The following RBKS variants were observed in gnomAD, a reference collection of about 807,000 sequenced individuals.
The protein encoded by RBKS is ribokinase.
Under a neutral mutation model 33.9 loss-of-function variants are expected in RBKS, and 33 were observed. The observed-to-expected ratio is 0.97, with a 90% CI of 0.74 to 1.30. The LOEUF is 1.30. Ranked by LOEUF, RBKS falls within the 50% of genes most tolerant of loss-of-function variation. The probability of loss-of-function intolerance (pLI) is 0.00; values close to 1 mark genes in which losing one functional copy is unlikely to be tolerated. For synonymous variants in RBKS, 125 were observed against 143.0 expected (o/e 0.87, Z 0.90); for missense variants, 361 against 392.6 (o/e 0.92, Z 0.68).
chr2:27,865,825 A>C (rs989644901), intron 1 of RBKS, among the ~76,000 whole-genome samples: 8 of 152,240 alleles, frequency 5.3e-5, no homozygotes, highest in African/African-American at 1.9e-4. Flanking sequence ...TTAAAAATGT[A>C]ATCTACTTTA....
intron 1 of RBKS, among the ~76,000 whole-genome samples, chr2:27,862,210 A>G (rs1388613082): frequency 6.6e-6 from 1 of 151,966 alleles, no homozygotes; most frequent in Non-Finnish European, 1.5e-5. Flanking sequence ...TCGGCCTCCC[A>G]AAGTGTAGGG....
chr2:27,801,920 C>G (rs1191589103), intron 7 of RBKS, among the ~76,000 whole-genome samples: 9 of 134,900 alleles, frequency 6.7e-5, no homozygotes, highest in Non-Finnish European at 3.1e-5. Context: ...CACAAGCCAG[C>G]CTCCTGTCTC....
At chr2:27,819,058 A>G in intron 7 of RBKS, among the ~76,000 whole-genome samples, 1 of 152,254 alleles carries the variant, frequency 6.6e-6, no homozygotes, top group Non-Finnish European at 1.5e-5. Flanking sequence ...TCACTTCTGA[A>G]GCACATTCAC....
intron 7 of RBKS, among the ~76,000 whole-genome samples, chr2:27,790,400 T>C (rs34598818): frequency 3.3e-5 from 5 of 152,192 alleles, no homozygotes; most frequent in Admixed American, 6.5e-5. Flanking sequence ...GCTAGGCAGA[T>C]TTCTTAGGAC....
chr2:27,781,429 G>A lies in RBKS; in HGVS notation c.*186C>T, dbSNP rs1007773900. 1.8e-6 allele frequency: 1 copy of A among 552,626 alleles called. No homozygotes were observed. The highest frequency in any genetic ancestry group is 3.2e-6 in the Non-Finnish European group (1 of 316,752). 34.2% of individuals were successfully genotyped at this position (552,626 alleles called of 1,614,324 possible). A position where few individuals can be genotyped will look rare whatever the true frequency, so the allele number is the denominator to read the frequency against. ...TGGAATCTTTAATTCTGGTTGTTTT[G>A]TGCAAATGCATGGAAAGCAAAAGAA... On this transcript the variant is annotated 3_prime_UTR_variant, in exon 8 of 8. Transcript: ENST00000302188.
At chr2:27,818,462 A>G (rs935075932) in intron 7 of RBKS, among the ~76,000 whole-genome samples, 3 of 152,188 alleles carry the variant, frequency 2.0e-5, no homozygotes, top group African/African-American at 7.2e-5. Context: ...TAGCAAGTAC[A>G]TGGGTGTTGG....
chr2:27,826,153 A>G (rs56242350), intron 7 of RBKS, among the ~76,000 whole-genome samples: 2,352 of 152,350 alleles, frequency 0.015, 32 homozygotes, highest in South Asian at 0.054. Context: ...CAGGATGTTA[A>G]TTTCATGTCA....
intron 5 of RBKS, among the ~76,000 whole-genome samples, chr2:27,835,276 C>CAA (rs35739589): frequency 2.6e-5 from 3 of 115,766 alleles, no homozygotes; most frequent in African/African-American, 3.0e-5. Context: ...AACTCTGTCT[C>CAA]AAAAAAAAAA....
At chr2:27,883,200 C>G (rs184673375) in intron 1 of RBKS, among the ~76,000 whole-genome samples, 1 of 140,430 alleles carries the variant, frequency 7.1e-6, no homozygotes, top group African/African-American at 2.6e-5. Context: ...CTGCAGTATT[C>G]TTTTTTTTTT....
rs748284115 is a variant in RBKS, at chr2:27,861,663, T to TGGCG, written c.90-3093_90-3092insCGCC. On this transcript the variant is annotated intron_variant, in intron 1 of 7. Coordinates refer to ENST00000302188, the MANE Select transcript of RBKS (RefSeq NM_022128.3). The stretch of plus-strand genomic sequence containing the variant: ...GAGATTAGTATGTTCCATTTCTTTT[T>TGGCG]GGGGGGGGGGTGGAGTCTCACTTTG... 2.2e-5 allele frequency: 7 copies of TGGCG among 313,298 alleles called. No homozygotes were observed. In the East Asian group the frequency reaches 1.2e-3, roughly 52 times the overall value. The allele number at this position is 313,298 out of a possible 1,614,324, so 19.4% of individuals were successfully genotyped here.
At chr2:27,843,339 G>A in intron 4 of RBKS, 108 bp from the exon 5 acceptor site, 1 of 775,324 alleles carries the variant, frequency 1.3e-6, no homozygotes, top group Non-Finnish European at 1.9e-6. Flanking sequence ...TACAAAATGT[G>A]TTATTAAGTA....
chr2:27,847,994 A>T (rs371759910), intron 3 of RBKS, 40 bp downstream of exon 3: 1 of 1,129,826 alleles, frequency 8.9e-7, no homozygotes, highest in African/African-American at 1.6e-5. Flanking sequence ...TCACAGAAAA[A>T]AGCTATAAAC....
intron 1 of RBKS, among the ~76,000 whole-genome samples, chr2:27,889,502 C>G (rs1664655778): frequency 6.6e-6 from 1 of 152,084 alleles, no homozygotes; most frequent in Admixed American, 6.6e-5. Context: ...ACATACATTA[C>G]TTTTGTAATC....
intron 7 of RBKS, among the ~76,000 whole-genome samples, chr2:27,820,066 G>C (rs1375486901): frequency 1.3e-5 from 2 of 152,162 alleles, no homozygotes; most frequent in African/African-American, 4.8e-5. Flanking sequence ...GGTTCTTTGT[G>C]AGGATAATGC....
chr2:27,789,927 A>ATG (rs1558532994), intron 7 of RBKS, among the ~76,000 whole-genome samples: 3 of 100,144 alleles, frequency 3.0e-5, no homozygotes, highest in Non-Finnish European at 4.2e-5. Context: ...TTGTGTGTGT[A>ATG]TATATATATA....
intron 1 of RBKS, among the ~76,000 whole-genome samples, chr2:27,885,925 A>G (rs1664519611): frequency 6.6e-6 from 1 of 152,372 alleles, no homozygotes; most frequent in Admixed American, 6.5e-5. Flanking sequence ...TAATGAAAAC[A>G]TGATTAACAA....
chr2:27,807,938 G>C (rs1302125952), intron 7 of RBKS, among the ~76,000 whole-genome samples: 3 of 152,116 alleles, frequency 2.0e-5, no homozygotes, highest in Non-Finnish European at 1.5e-5. Context: ...CTAAATATTG[G>C]TTCTATTTTA....
At chr2:27,857,493 G>T (rs1348131091) in intron 2 of RBKS, among the ~76,000 whole-genome samples, 1 of 152,158 alleles carries the variant, frequency 6.6e-6, no homozygotes, top group African/African-American at 2.4e-5. Context: ...TATGCCAAAA[G>T]CTCAGTTATA....
At chr2:27,802,325 A>G (rs901658300) in intron 7 of RBKS, among the ~76,000 whole-genome samples, 2 of 152,020 alleles carry the variant, frequency 1.3e-5, no homozygotes, top group Admixed American at 6.6e-5. Flanking sequence ...CATCTCAAGT[A>G]TAGCAGTAGG....
Sources: allele counts gnomAD v4.1 joint callset (sites outside exome capture counted in the v4.1 genomes callset), GRCh38; gene constraint gnomAD v4.1.1; transcripts MANE v1.5; gene names NCBI Gene and HGNC (gene_info 2026-07-23, HGNC 2026-07-21).